VLDLR: variants seen among roughly 807,000 people sequenced by gnomAD.
The protein encoded by VLDLR is very low-density lipoprotein receptor.
In VLDLR, 81 loss-of-function variants were observed where a neutral mutation model predicts 112.7. That is an observed-to-expected ratio of 0.72 (90% CI 0.60 to 0.86). The LOEUF is 0.86. Ranked by LOEUF, VLDLR falls within the 40% of genes least tolerant of loss-of-function variation. The pLI is 0.00. For synonymous variants in VLDLR, 436 were observed against 384.8 expected (o/e 1.13, Z -1.56); for missense variants, 1,237 against 1,099.4 (o/e 1.13, Z -1.77).
rs1440538255 is a variant in VLDLR, at chr9:2,646,546, T to C, written c.1697T>C (p.Leu566Pro). The C allele has an allele frequency of 1.9e-6, 3 of 1,614,106 alleles. No individual in the cohort carries two copies. Among genetic ancestry groups the C allele is most frequent in the Admixed American group, 3.3e-5 (2 of 60,024 alleles). ...REPASIAVDP[L>P]SGFVYWSDWG... ...CCTGCCTCCATAGCTGTGGACCCAC[T>C]GTCTGGGTTTGTAGTCTGTTTTCCA... Residue 566 changes from leucine to proline, a missense_variant, in exon 11 of 19, where the codon CTG becomes CCG. Physicochemically the swap from Leu to Pro is moderately conservative, Grantham distance 98. Transcript: ENST00000382100.
chr9:2,635,591 G>T lies in VLDLR; in HGVS notation c.202+19G>T. ...AACTGTGGTAAGTAAAGAGTTTGAT[G>T]ACTTATGCATTTTGTTAAAATATGA... On this transcript the variant is annotated intron_variant, in intron 2 of 18. Coordinates refer to ENST00000382100, the MANE Select transcript of VLDLR (RefSeq NM_003383.5). The T allele has an allele frequency of 6.2e-7, 1 of 1,613,874 alleles. No individual in the cohort carries two copies. Among genetic ancestry groups the T allele is most frequent in the South Asian group, 1.1e-5 (1 of 91,030 alleles).
intron 1 of VLDLR, among the ~76,000 whole-genome samples, chr9:2,632,060 C>A (rs1479858127): frequency 1.3e-5 from 2 of 152,136 alleles, no homozygotes; most frequent in African/African-American, 4.8e-5. Flanking sequence ...TCATTCATTA[C>A]AAATTTAAAT....
intron 17 of VLDLR, among the ~76,000 whole-genome samples, chr9:2,652,522 G>C (rs1256770731): frequency 3.3e-5 from 5 of 152,162 alleles, no homozygotes; most frequent in Non-Finnish European, 7.3e-5. Context: ...TTAATTTGGT[G>C]AGCCTAAGGT....
rs760233985 is a variant in VLDLR at position 2,647,524 on chromosome 9, G to T, written c.1754G>T (p.Gly585Val). ...GAACCAGCTAAAATAGAAAAAGCAGGAATGAATGGATTCGATAGACGTCCA... is the reference window on the plus strand; with the variant it reads ...GAACCAGCTAAAATAGAAAAAGCAGTAATGAATGGATTCGATAGACGTCCA... Reference protein sequence around the residue: ...WGEPAKIEKAGMNGFDRRPLV... With the variant: ...WGEPAKIEKAVMNGFDRRPLV... Residue 585 changes from glycine (G) to valine (V), a missense_variant, in exon 12 of 19, where the codon GGA becomes GTA. Coordinates refer to ENST00000382100, the MANE Select transcript of VLDLR (RefSeq NM_003383.5). 1.9e-6 allele frequency: 3 copies of T among 1,614,152 alleles called. No individual in the cohort carries two copies.
chr9:2,645,381 G>A (rs1434790946), intron 9 of VLDLR, among the ~76,000 whole-genome samples, 193 bp from the exon 10 acceptor site: 1 of 152,190 alleles, frequency 6.6e-6, no homozygotes, highest in East Asian at 1.9e-4. Flanking sequence ...CTTGAAGGCT[G>A]TAACCCCACG....
chr9:2,645,724 T>C lies in VLDLR; in HGVS notation c.1463T>C (p.Leu488Pro), dbSNP rs1222543326. ...GCCCAGAAACTATTCTGGGCCGATC[T>C]AAGCCAAAAGGCTATCTTCAGGTAA... ...IAAQKLFWAD[L>P]SQKAIFSASI... Residue 488 changes from leucine (L) to proline (P), a missense_variant, in exon 10 of 19, where the codon CTA becomes CCA. Transcript: ENST00000382100. 6.2e-7 allele frequency: 1 copy of C among 1,614,230 alleles called. No individual in the cohort carries two copies. Among genetic ancestry groups the C allele is most frequent in the Admixed American group, 1.7e-5 (1 of 60,030 alleles).
Position 2,656,456 on chromosome 9 carries a change from GAAAAA to G in VLDLR, c.*2591_*2595del, listed in dbSNP as rs907016469. 3 of 141,286 alleles carry G rather than the reference GAAAAA, an allele frequency of 2.1e-5. No individual in the cohort carries two copies. The highest frequency in any genetic ancestry group is 7.7e-5 in the African/African-American group (3 of 38,760). 8.8% of individuals were successfully genotyped at this position (141,286 alleles called of 1,614,324 possible). A position where few individuals can be genotyped will look rare whatever the true frequency, so the allele number is the denominator to read the frequency against. On this transcript the variant is annotated 3_prime_UTR_variant, in exon 19 of 19. Transcript: ENST00000382100. ...AAAAAAAAAATTTATAAAAATAAAAGAAAAAAATAGTTATATGACTAAACTACTAG... is the reference window on the plus strand; with the variant it reads ...AAAAAAAAAATTTATAAAAATAAAAGAATAGTTATATGACTAAACTACTAG...
Position 2,644,822 on chromosome 9 carries a change from G to A in VLDLR, c.1155G>A (p.Gly385=). 1 of 1,614,178 alleles carries A rather than the reference G, an allele frequency of 6.2e-7. No homozygotes were observed. The highest frequency in any genetic ancestry group is 8.5e-7 in the Non-Finnish European group (1 of 1,180,022). Residue 385 remains glycine, a synonymous_variant, in exon 8 of 19, where the codon GGG becomes GGA. Coordinates refer to ENST00000382100, the MANE Select transcript of VLDLR (RefSeq NM_003383.5). ...VIGYECDCAA[G]FELIDRKTCG... The stretch of plus-strand genomic sequence containing the variant: ...GCTACGAGTGTGACTGTGCAGCTGG[G>A]TTTGAACTGATAGATAGGAAAACCT...
chr9:2,623,888 A>G (rs1013647531), intron 1 of VLDLR, among the ~76,000 whole-genome samples: 1 of 152,236 alleles, frequency 6.6e-6, no homozygotes, highest in African/African-American at 2.4e-5. Context: ...AAACGCTAGC[A>G]TTAATCATTA....
At chr9:2,651,588 T>A in intron 16 of VLDLR, 90 bp downstream of exon 16, 1 of 1,222,186 alleles carries the variant, frequency 8.2e-7, no homozygotes, top group Non-Finnish European at 1.2e-6. Context: ...AGCCTTTAAC[T>A]ACTATTTCTG....
Position 2,644,622 on chromosome 9 carries a change from C to T in VLDLR, c.1067-112C>T, listed in dbSNP as rs145214806. The T allele has an allele frequency of 4.5e-4, 607 of 1,359,146 alleles. 1 individual carries two copies. In the African/African-American group the frequency reaches 7.8e-3, roughly 18 times the overall value. The allele number at this position is 1,359,146 out of a possible 1,614,324, so 84.2% of individuals were successfully genotyped here. On this transcript the variant is annotated intron_variant, in intron 7 of 18. Transcript: ENST00000382100. ...ATAAATGATTAGGTCTTAGACAAATCGTGGGTTTGACCAGGCCAACTAGAT... is the reference window on the plus strand; with the variant it reads ...ATAAATGATTAGGTCTTAGACAAATTGTGGGTTTGACCAGGCCAACTAGAT...
chr9:2,631,821 G>T (rs1247674015), intron 1 of VLDLR, among the ~76,000 whole-genome samples: 1 of 152,054 alleles, frequency 6.6e-6, no homozygotes, highest in Non-Finnish European at 1.5e-5. Context: ...TTACATACAT[G>T]TAACAAAATT....
intron 12 of VLDLR, 103 bp downstream of exon 12, chr9:2,647,695 C>T (rs1282486891): frequency 6.0e-5 from 62 of 1,036,430 alleles, no homozygotes; most frequent in Middle Eastern, 2.0e-4. Context: ...CTACTGCTTC[C>T]GCCTAAATTC....
rs147957014 is a variant in VLDLR, at chr9:2,645,057, T to G, written c.1287T>G (p.Leu429=). 1.9e-6 allele frequency: 3 copies of G among 1,614,198 alleles called. No homozygotes were observed. The change falls in exon 9 of 19, where the codon CTT becomes CTG. Residue 429 remains leucine, a synonymous_variant. Transcript: ENST00000382100. ...CECSRGYQMD[L]ATGVCKAVGK... ...GTAGTCGTGGCTATCAAATGGATCT[T>G]GCTACTGGCGTGTGCAAGGCAGTAG...
intron 2 of VLDLR, 65 bp downstream of exon 2, chr9:2,635,637 G>T: frequency 6.2e-7 from 1 of 1,607,266 alleles, no homozygotes. Context: ...GTCTGCAAAT[G>T]TATTGAGATT....
chr9:2,628,146 C>G (rs989713644), intron 1 of VLDLR, among the ~76,000 whole-genome samples: 27 of 152,176 alleles, frequency 1.8e-4, no homozygotes, highest in African/African-American at 6.5e-4. Flanking sequence ...TCCTGAGTTA[C>G]AAATGTGAAC....
intron 2 of VLDLR, among the ~76,000 whole-genome samples, chr9:2,639,605 G>C (rs896495450): frequency 6.6e-6 from 1 of 152,114 alleles, no homozygotes; most frequent in East Asian, 1.9e-4. Context: ...AGGTATCTCC[G>C]AGTTGTAAGA....
At chr9:2,645,549 A>G (rs1289862831) in intron 9 of VLDLR, 25 bp from the exon 10 acceptor site, 1 of 1,614,208 alleles carries the variant, frequency 6.2e-7, no homozygotes, top group Admixed American at 1.7e-5. Flanking sequence ...AGCAAAACTA[A>G]GTAACCCAGA....
chr9:2,640,032 A>G (rs369912987), intron 3 of VLDLR, 51 bp downstream of exon 3: 2 of 1,613,826 alleles, frequency 1.2e-6, no homozygotes, highest in South Asian at 1.1e-5. Context: ...TTCGGTGTCT[A>G]ACATTTCTAA....
Sources: gnomAD v4.1 joint callset for allele counts (sites outside exome capture counted in the v4.1 genomes callset) on GRCh38, gnomAD v4.1.1 for gene constraint, MANE v1.5 for transcripts, NCBI Gene and HGNC (gene_info 2026-07-23, HGNC 2026-07-21) for gene names.